Variants in CDK6 observed in about 807,000 individuals in gnomAD.
The protein encoded by CDK6 is cyclin-dependent kinase 6.
Under a neutral mutation model 37.1 loss-of-function variants are expected in CDK6, and 6 were observed. The ratio of observed to expected loss-of-function variants is 0.16; its 90% CI spans 0.09 to 0.32. CDK6 has a LOEUF of 0.32. Ranked by LOEUF, CDK6 falls within the 10% of genes least tolerant of loss-of-function variation. The pLI is 1.00. For synonymous variants in CDK6, 160 were observed against 161.3 expected (o/e 0.99, Z 0.06); for missense variants, 224 against 418.9 (o/e 0.53, Z 4.06).
At chr7:92,642,538 C>T (rs1295902132) in intron 5 of CDK6, among the ~76,000 whole-genome samples, 1 of 152,150 alleles carries the variant, frequency 6.6e-6, no homozygotes, top group African/African-American at 2.4e-5. Context: ...AGAAGCCATC[C>T]TTTATCCTGT....
chr7:92,633,627 T>C (rs1430063741), intron 5 of CDK6, among the ~76,000 whole-genome samples: 2 of 147,940 alleles, frequency 1.4e-5, no homozygotes, highest in Non-Finnish European at 3.0e-5. Flanking sequence ...AGCTAGCCTT[T>C]TTTTTTTTTT....
At chr7:92,722,115 CTAA>C (rs1318800501) in intron 4 of CDK6, among the ~76,000 whole-genome samples, 3 of 151,852 alleles carry the variant, frequency 2.0e-5, no homozygotes, top group Non-Finnish European at 2.9e-5. Context: ...CAGAAAGAAG[CTAA>C]TAATACAAGC....
In CDK6 at chr7:92,611,336, G is replaced by A. The variant is rs1400599060; in HGVS notation, c.*3804C>T. ...ACTAACATAATTAAGTAATTATGGT[G>A]GCATATTCACTTTTAACATTATTTT... On this transcript the variant is annotated 3_prime_UTR_variant, in exon 8 of 8. Transcript: ENST00000424848. 1 of 226,948 alleles carries A rather than the reference G, an allele frequency of 4.4e-6. No homozygotes were observed. The highest frequency in any genetic ancestry group is 1.8e-4 in the South Asian group (1 of 5,476). The allele number at this position is 226,948 out of a possible 1,614,324, so 14.1% of individuals were successfully genotyped here.
At chr7:92,790,971 T>C (rs539197336) in intron 2 of CDK6, among the ~76,000 whole-genome samples, 7 of 152,140 alleles carry the variant, frequency 4.6e-5, no homozygotes, top group Non-Finnish European at 8.8e-5. Context: ...CTATTTTTTA[T>C]GGTTTTCAAA....
intron 2 of CDK6, among the ~76,000 whole-genome samples, chr7:92,809,633 A>G (rs1800820382): frequency 6.6e-6 from 1 of 152,222 alleles, no homozygotes; most frequent in African/African-American, 2.4e-5. Context: ...GTAAGGGTAT[A>G]TTTATTTATA....
chr7:92,825,946 A>G (rs1267311011), intron 2 of CDK6, among the ~76,000 whole-genome samples: 1 of 152,162 alleles, frequency 6.6e-6, no homozygotes, highest in Non-Finnish European at 1.5e-5. Context: ...TGTAGATTGG[A>G]GTAAGACAAA....
chr7:92,728,957 C>T (rs1798578458), intron 3 of CDK6, among the ~76,000 whole-genome samples: 1 of 152,138 alleles, frequency 6.6e-6, no homozygotes, highest in African/African-American at 2.4e-5. Context: ...GACTGGGGAA[C>T]CCCTCTCAGT....
At chr7:92,793,355 C>T (rs901425991) in intron 2 of CDK6, among the ~76,000 whole-genome samples, 2 of 152,064 alleles carry the variant, frequency 1.3e-5, no homozygotes. Flanking sequence ...CAAAACTTAC[C>T]ATGAGCTGTA....
chr7:92,724,607 G>A (rs1454446726), intron 4 of CDK6, among the ~76,000 whole-genome samples: 1 of 151,984 alleles, frequency 6.6e-6, no homozygotes, highest in African/African-American at 2.4e-5. Context: ...TGAAATTTAG[G>A]GAAACAATTT....
intron 4 of CDK6, among the ~76,000 whole-genome samples, chr7:92,692,582 G>A (rs544778194): frequency 2.1e-4 from 32 of 152,226 alleles, no homozygotes; most frequent in South Asian, 1.0e-3. Flanking sequence ...CCAGGAGTTC[G>A]AGACCAGCCT....
rs145888983 is a variant in CDK6, at chr7:92,778,924, CAT to C, written c.234-4095_234-4094del. On this transcript the variant is annotated intron_variant, in intron 2 of 7. Transcript: ENST00000424848. ...AGTTCTTACTGCATTTATAGTTTAT[CAT>C]ATATATATATATATATATATAAGAT... Among the ~76,000 whole-genome samples, 215 of 108,860 alleles carry C rather than the reference CAT, an allele frequency of 2.0e-3. 5 individuals carry two copies. The highest frequency in any genetic ancestry group is 3.1e-3 in the East Asian group (12 of 3,930). 71.4% of individuals were successfully genotyped at this position (108,860 alleles called of 152,430 possible).
At chr7:92,796,656 T>C (rs191814413) in intron 2 of CDK6, among the ~76,000 whole-genome samples, 9 of 152,186 alleles carry the variant, frequency 5.9e-5, no homozygotes, top group Admixed American at 2.0e-4. Flanking sequence ...CAAAAGAAAA[T>C]GATCTCTGTA....
At position 92,835,843 on chromosome 7, in the gene CDK6, T is replaced by C. The variant is rs1584136458; in HGVS notation, c.-368+635A>G. On this transcript the variant is annotated intron_variant, in intron 1 of 7. Transcript: ENST00000424848. The surrounding 1 kb of genome is among the most constrained non-coding windows in gnomAD (Gnocchi z 4.2). ...TGTGTTTAACTCCAATATTTTAAAT[T>C]ATAAAAGTAAACTTGGAAACTACAG... Among the ~76,000 whole-genome samples, 1 of 152,226 alleles carries C rather than the reference T, an allele frequency of 6.6e-6. No individual in the cohort carries two copies. The highest frequency in any genetic ancestry group is 1.9e-4 in the East Asian group (1 of 5,194).
At chr7:92,773,691 T>C (rs1445856689) in intron 3 of CDK6, among the ~76,000 whole-genome samples, 1 of 152,128 alleles carries the variant, frequency 6.6e-6, no homozygotes, top group African/African-American at 2.4e-5. Context: ...GAGAGCCAGA[T>C]GGGAAAAAAT....
intron 5 of CDK6, among the ~76,000 whole-genome samples, chr7:92,666,872 G>C (rs975762037): frequency 1.3e-5 from 2 of 152,118 alleles, no homozygotes; most frequent in African/African-American, 4.8e-5. Context: ...CATTATTTTA[G>C]AGTGTACTAC....
At chr7:92,712,068 G>T (rs1445179706) in intron 4 of CDK6, among the ~76,000 whole-genome samples, 2 of 151,638 alleles carry the variant, frequency 1.3e-5, no homozygotes, top group Non-Finnish European at 2.9e-5. Flanking sequence ...GCTGAGGCAG[G>T]AGAATGCTGT....
chr7:92,606,746 A>C lies in CDK6; in HGVS notation c.*8394T>G, dbSNP rs1301824442. ...TAAGAGAAAGTTTTAACCAGGCCCT[A>C]TGGCAATGCAGAAACACTAATACAT... On this transcript the variant is annotated 3_prime_UTR_variant, in exon 8 of 8. Coordinates refer to ENST00000424848, the MANE Select transcript of CDK6 (RefSeq NM_001145306.2). 1 of 233,060 alleles carries C rather than the reference A, an allele frequency of 4.3e-6. No homozygotes were observed. The highest frequency in any genetic ancestry group is 2.2e-5 in the African/African-American group (1 of 45,356). The allele number at this position is 233,060 out of a possible 1,614,324, so 14.4% of individuals were successfully genotyped here. A position where few individuals can be genotyped will look rare whatever the true frequency, so the allele number is the denominator to read the frequency against.
intron 3 of CDK6, among the ~76,000 whole-genome samples, chr7:92,727,827 T>G (rs971187341): frequency 5.9e-5 from 9 of 152,182 alleles, no homozygotes; most frequent in Admixed American, 6.5e-5. Flanking sequence ...CAATAAGTTG[T>G]AATGAATAAA....
At chr7:92,621,493 C>A (rs1333130143) in intron 6 of CDK6, among the ~76,000 whole-genome samples, 3 of 152,210 alleles carry the variant, frequency 2.0e-5, no homozygotes, top group Non-Finnish European at 4.4e-5. Context: ...GTAGACACAA[C>A]TGTCAGGTAG....
Sources: allele counts gnomAD v4.1 joint callset (sites outside exome capture counted in the v4.1 genomes callset), GRCh38; gene constraint gnomAD v4.1.1; non-coding constraint Gnocchi (gnomAD v3.1); transcripts MANE v1.5; gene names NCBI Gene and HGNC (gene_info 2026-07-23, HGNC 2026-07-21).